The following ZNF267 variants were observed in gnomAD, a reference collection of about 807,000 sequenced individuals.
ZNF267 encodes the protein zinc finger (C2H2).
In ZNF267, 61 loss-of-function variants were observed where a neutral mutation model predicts 71.6. The ratio of observed to expected loss-of-function variants is 0.85; its 90% CI spans 0.69 to 1.05. The LOEUF (loss-of-function observed/expected upper bound fraction) is 1.05, where lower values mean the gene tolerates loss of function less well. Among genes scored for constraint, ZNF267 ranks in the 50% least tolerant of loss-of-function variants. ZNF267 has a pLI of 0.00. For synonymous variants in ZNF267, 288 were observed against 293.2 expected (o/e 0.98, Z 0.18); for missense variants, 852 against 870.0 (o/e 0.98, Z 0.26).
In ZNF267 at chr16:31,914,912, T is replaced by C; in HGVS notation, c.663T>C (p.Ser221=). 1 of 1,612,248 alleles carries C rather than the reference T, an allele frequency of 6.2e-7. No individual in the cohort carries two copies. Among genetic ancestry groups the C allele is most frequent in the Non-Finnish European group, 8.5e-7 (1 of 1,179,516 alleles). ...IGEKNYHCNN[S]EKTLNQSSSP... The stretch of plus-strand genomic sequence containing the variant: ...AGAAAAATTATCATTGCAATAATTC[T>C]GAAAAAACCTTGAACCAAAGCTCAA... The change falls in exon 4 of 4, where the codon TCT becomes TCC. Residue 221 remains serine (S), a synonymous_variant. Transcript: ENST00000300870.
chr16:31,910,343 G>T (rs78332418), intron 3 of ZNF267, among the ~76,000 whole-genome samples: 1 of 151,594 alleles, frequency 6.6e-6, no homozygotes, highest in Admixed American at 6.6e-5. Context: ...ATCTTTAAAT[G>T]TTGGGTAGAA....
intron 3 of ZNF267, among the ~76,000 whole-genome samples, chr16:31,907,807 C>T (rs1328293284): frequency 2.0e-5 from 3 of 151,152 alleles, no homozygotes; most frequent in Non-Finnish European, 4.4e-5. Context: ...GAGGCCGAGG[C>T]GGGTGGATCA....
At chr16:31,913,087 A>G (rs959855300) in intron 3 of ZNF267, 10 of 152,188 alleles carry the variant, frequency 6.6e-5, no homozygotes, top group African/African-American at 2.4e-4. Flanking sequence ...TTGGCATTGA[A>G]GAGTTAGGCA....
intron 3 of ZNF267, chr16:31,894,725 C>G: frequency 2.1e-6 from 1 of 480,400 alleles, no homozygotes; most frequent in Non-Finnish European, 4.1e-6. Context: ...TCCAAATGCT[C>G]TAATAGTAGC....
intron 3 of ZNF267, among the ~76,000 whole-genome samples, chr16:31,887,932 C>T (rs1479345747): frequency 6.6e-6 from 1 of 152,006 alleles, no homozygotes; most frequent in African/African-American, 2.4e-5. Flanking sequence ...AATGTCAATA[C>T]AGATTTCATT....
intron 1 of ZNF267, among the ~76,000 whole-genome samples, chr16:31,878,541 A>G (rs560259081): frequency 7.9e-5 from 12 of 152,184 alleles, no homozygotes; most frequent in Non-Finnish European, 1.8e-4. Flanking sequence ...AATCCCAGAC[A>G]CTGAATCCGT....
At chr16:31,881,199 A>G (rs1033345225) in intron 1 of ZNF267, among the ~76,000 whole-genome samples, 4 of 152,222 alleles carry the variant, frequency 2.6e-5, no homozygotes, top group African/African-American at 4.8e-5. Context: ...TGAAGCTTAA[A>G]CTATTTAAAC....
At chr16:31,901,454 C>G (rs1169334499) in intron 3 of ZNF267, among the ~76,000 whole-genome samples, 1 of 152,190 alleles carries the variant, frequency 6.6e-6, no homozygotes, top group Non-Finnish European at 1.5e-5. Context: ...ACATCCTCTC[C>G]AGCACTTGTT....
At chr16:31,886,057 T>C (rs1197839038) in intron 3 of ZNF267, among the ~76,000 whole-genome samples, 1 of 152,246 alleles carries the variant, frequency 6.6e-6, no homozygotes. Flanking sequence ...TGGTTCAGTA[T>C]GAAGCTTACT....
At chr16:31,902,137 T>C (rs959154746) in intron 3 of ZNF267, among the ~76,000 whole-genome samples, 2 of 152,230 alleles carry the variant, frequency 1.3e-5, no homozygotes, top group Admixed American at 1.3e-4. Flanking sequence ...GGCTCTGTTC[T>C]GTTCCACTGG....
intron 3 of ZNF267, among the ~76,000 whole-genome samples, chr16:31,905,790 A>G (rs2084084993): frequency 6.6e-6 from 1 of 152,128 alleles, no homozygotes. Flanking sequence ...TCACCTCGTC[A>G]AAGTCATTCT....
chr16:31,877,550 C>T (rs560901312), intron 1 of ZNF267, among the ~76,000 whole-genome samples: 128 of 152,238 alleles, frequency 8.4e-4, no homozygotes, highest in African/African-American at 2.9e-3. Flanking sequence ...GTTGACCAGG[C>T]TGTGAGTGTG....
At chr16:31,898,043 G>A (rs889169600) in intron 3 of ZNF267, among the ~76,000 whole-genome samples, 3 of 152,012 alleles carry the variant, frequency 2.0e-5, no homozygotes, top group South Asian at 2.1e-4. Flanking sequence ...GGTTTTGTTC[G>A]TTTTTGCATT....
chr16:31,911,715 TG>T (rs1472022936), intron 3 of ZNF267: 1 of 151,322 alleles, frequency 6.6e-6, no homozygotes, highest in Non-Finnish European at 1.5e-5. Flanking sequence ...TATTTGTTTT[TG>T]CATCTTCTCT....
At chr16:31,879,541 C>A (rs1170859911) in intron 1 of ZNF267, among the ~76,000 whole-genome samples, 1 of 152,124 alleles carries the variant, frequency 6.6e-6, no homozygotes, top group Non-Finnish European at 1.5e-5. Context: ...TAAACCTGTA[C>A]GATGCCTGTA....
In ZNF267 at chr16:31,916,399, A is replaced by G. The variant is rs2084178496; in HGVS notation, c.2150A>G (p.Lys717Arg). 1 of 1,613,980 alleles carries G rather than the reference A, an allele frequency of 6.2e-7. No homozygotes were observed. Among genetic ancestry groups the G allele is most frequent in the African/African-American group, 1.3e-5 (1 of 74,934 alleles). ...AGTCATAGTGGAGAGAGACCCTACA[A>G]ATGTGAAGAATGTGGCAAAGCCTTT... ...RRSHSGERPY[K>R]CEECGKAFNS... The change falls in exon 4 of 4, where the codon AAA (lysine) becomes AGA (arginine). Residue 717 changes from lysine to arginine, a missense_variant. By Grantham distance (26) the Lys-to-Arg change is conservative. Transcript: ENST00000300870.
chr16:31,884,061 G>A (rs189004985), intron 1 of ZNF267, among the ~76,000 whole-genome samples: 41 of 152,268 alleles, frequency 2.7e-4, no homozygotes, highest in African/African-American at 8.7e-4. Context: ...TAAAAAATAT[G>A]GAAATGCAGA....
chr16:31,915,118 T>A lies in ZNF267; in HGVS notation c.869T>A (p.Ile290Asn). ...LKHIQHQTIHIRENSYSYNKY... is the reference protein window; with the variant it reads ...LKHIQHQTIHNRENSYSYNKY... The stretch of plus-strand genomic sequence containing the variant: ...CATATTCAACATCAGACCATCCATA[T>A]CAGAGAAAACTCATATAGCTATAAC... Residue 290 changes from isoleucine to asparagine, a missense_variant, in exon 4 of 4, where the codon ATC becomes AAC. By Grantham distance (149) the Ile-to-Asn change is moderately radical. Coordinates refer to ENST00000300870, the MANE Select transcript of ZNF267 (RefSeq NM_003414.6). The A allele has an allele frequency of 6.2e-7, 1 of 1,613,508 alleles. No homozygotes were observed. The highest frequency in any genetic ancestry group is 1.1e-5 in the South Asian group (1 of 90,914).
intron 3 of ZNF267, among the ~76,000 whole-genome samples, chr16:31,895,512 C>A (rs1033933625): frequency 6.6e-6 from 1 of 152,132 alleles, no homozygotes; most frequent in African/African-American, 2.4e-5. Flanking sequence ...CGTATGGTAC[C>A]TCTATGTTTG....
Sources: allele counts gnomAD v4.1 joint callset (sites outside exome capture counted in the v4.1 genomes callset), GRCh38; gene constraint gnomAD v4.1.1; transcripts MANE v1.5; gene names NCBI Gene and HGNC (gene_info 2026-07-23, HGNC 2026-07-21).